The following HYAL4 variants were observed in gnomAD, a reference collection of about 807,000 sequenced individuals.
HYAL4 encodes hyaluronidase 4, also known as hyaluronidase-4.
A neutral mutation model predicts 35.2 loss-of-function variants in HYAL4; 37 were observed. That is an observed-to-expected ratio of 1.05 (90% CI 0.81 to 1.38). The LOEUF (loss-of-function observed/expected upper bound fraction) is 1.38, where lower values mean the gene tolerates loss of function less well. Ranked by LOEUF, HYAL4 falls within the 40% of genes most tolerant of loss-of-function variation. HYAL4 has a pLI of 0.00. For synonymous variants in HYAL4, 198 were observed against 203.2 expected (o/e 0.97, Z 0.22); for missense variants, 572 against 572.4 (o/e 1.00, Z 0.01).
chr7:123,782,583 G>A, the HYAL4 span, among the ~76,000 whole-genome samples: 16 of 151,630 alleles, frequency 1.1e-4, no homozygotes, highest in South Asian at 3.3e-3. Flanking sequence ...CAGGATCCCA[G>A]TTTACACCTG....
At chr7:123,816,557 A>G in the HYAL4 span, among the ~76,000 whole-genome samples, 1 of 152,268 alleles carries the variant, frequency 6.6e-6, no homozygotes, top group East Asian at 1.9e-4. Flanking sequence ...GATGAGCCAC[A>G]TTTTCATAAA....
chr7:123,811,807 T>C, the HYAL4 span, among the ~76,000 whole-genome samples: 1 of 152,148 alleles, frequency 6.6e-6, no homozygotes. Flanking sequence ...TATAGTTTTA[T>C]ATTTTACATC....
chr7:123,824,694 T>C (rs1805776351), upstream of HYAL4, among the ~76,000 whole-genome samples: 2 of 152,072 alleles, frequency 1.3e-5, no homozygotes, highest in Non-Finnish European at 2.9e-5. Context: ...TACATTCCCT[T>C]TGCCCTTGGA....
At chr7:123,767,250 C>G in the HYAL4 span, among the ~76,000 whole-genome samples, 1 of 152,098 alleles carries the variant, frequency 6.6e-6, no homozygotes, top group Non-Finnish European at 1.5e-5. Flanking sequence ...CTCAAAATAT[C>G]TTTGCTAAAA....
At chr7:123,786,317 A>G in the HYAL4 span, among the ~76,000 whole-genome samples, 1 of 152,220 alleles carries the variant, frequency 6.6e-6, no homozygotes, top group Non-Finnish European at 1.5e-5. Context: ...TTGGTTGCCA[A>G]TGATGCTGAG....
At chr7:123,828,022 C>T (rs1805825527), upstream of HYAL4, among the ~76,000 whole-genome samples, 1 of 152,026 alleles carries the variant, frequency 6.6e-6, no homozygotes, top group African/African-American at 2.4e-5. Context: ...TTAGGTTTGC[C>T]CATCCTAGCT....
intron 2 of HYAL4, among the ~76,000 whole-genome samples, chr7:123,862,527 G>T (rs1806596421): frequency 6.6e-6 from 1 of 152,162 alleles, no homozygotes; most frequent in Admixed American, 6.6e-5. Context: ...GATCAGTGTG[G>T]ATCACCATGC....
At chr7:123,803,267 T>G in the HYAL4 span, among the ~76,000 whole-genome samples, 1 of 152,148 alleles carries the variant, frequency 6.6e-6, no homozygotes, top group African/African-American at 2.4e-5. Flanking sequence ...AAAATAAATT[T>G]TTTAAAAATT....
chr7:123,847,462 A>G (rs904653633), intron 1 of HYAL4, among the ~76,000 whole-genome samples: 3 of 152,164 alleles, frequency 2.0e-5, no homozygotes, highest in Non-Finnish European at 2.9e-5. Context: ...AGAATAGCAC[A>G]TTAGGATCTA....
the HYAL4 span, among the ~76,000 whole-genome samples, chr7:123,774,887 C>T: frequency 4.6e-5 from 7 of 152,224 alleles, no homozygotes; most frequent in Non-Finnish European, 8.8e-5. Context: ...TTTGCACTCA[C>T]TACTTCCAGG....
chr7:123,775,781 C>CT, the HYAL4 span, among the ~76,000 whole-genome samples: 1 of 151,996 alleles, frequency 6.6e-6, no homozygotes, highest in Non-Finnish European at 1.5e-5. Context: ...GAGTTCCCTA[C>CT]TTTTTTTTGA....
At chr7:123,777,900 A>C in the HYAL4 span, among the ~76,000 whole-genome samples, 1 of 150,924 alleles carries the variant, frequency 6.6e-6, no homozygotes, top group Non-Finnish European at 1.5e-5. Flanking sequence ...GAAAGAAATC[A>C]GGGCAAAATT....
chr7:123,780,413 T>C, the HYAL4 span, among the ~76,000 whole-genome samples: 1 of 152,150 alleles, frequency 6.6e-6, no homozygotes, highest in Non-Finnish European at 1.5e-5. Flanking sequence ...GGCACAAGGA[T>C]TACCTCAGAT....
chr7:123,795,416 G>T, the HYAL4 span, among the ~76,000 whole-genome samples: 1 of 152,268 alleles, frequency 6.6e-6, no homozygotes, highest in African/African-American at 2.4e-5. Flanking sequence ...AATATGGTTT[G>T]GCTGTGTCCT....
intron 2 of HYAL4, among the ~76,000 whole-genome samples, chr7:123,854,375 C>G (rs564053198): frequency 2.6e-5 from 4 of 152,296 alleles, no homozygotes; most frequent in Middle Eastern, 6.8e-3. Context: ...ATAAATTTCC[C>G]TCTAAACACT....
At chr7:123,820,708 C>A in the HYAL4 span, among the ~76,000 whole-genome samples, 2 of 152,116 alleles carry the variant, frequency 1.3e-5, no homozygotes. Context: ...TACAGGAGAT[C>A]TCTCGAACTT....
At chr7:123,855,946 G>A (rs1460615313) in intron 2 of HYAL4, among the ~76,000 whole-genome samples, 1 of 151,344 alleles carries the variant, frequency 6.6e-6, no homozygotes, top group African/African-American at 2.4e-5. Context: ...ATTTCATTCA[G>A]TTGATCTTCA....
intron 1 of HYAL4, 23 bp downstream of exon 1, chr7:123,845,708 G>A (rs1354702913): frequency 6.6e-6 from 1 of 152,078 alleles, no homozygotes; most frequent in Admixed American, 6.6e-5. Flanking sequence ...AATTTTTTGG[G>A]GGGGATGTTA....
intron 2 of HYAL4, among the ~76,000 whole-genome samples, chr7:123,853,710 A>G (rs1323455651): frequency 6.6e-6 from 1 of 152,106 alleles, no homozygotes; most frequent in Non-Finnish European, 1.5e-5. Flanking sequence ...TGTCTCTGGC[A>G]GGTTTTGATA....
Sources: allele counts gnomAD v4.1 joint callset (sites outside exome capture counted in the v4.1 genomes callset), GRCh38; gene constraint gnomAD v4.1.1; transcripts MANE v1.5; gene names NCBI Gene and HGNC (gene_info 2026-07-23, HGNC 2026-07-21).